CCDC13: variants seen among roughly 807,000 people sequenced by gnomAD.
CCDC13 encodes coiled-coil domain containing 13.
Under a neutral mutation model 87.3 loss-of-function variants are expected in CCDC13, and 70 were observed. The ratio of observed to expected loss-of-function variants is 0.80; its 90% CI spans 0.66 to 0.98. The LOEUF (loss-of-function observed/expected upper bound fraction) is 0.98, where lower values mean the gene tolerates loss of function less well. CCDC13 is among the 50% of genes least tolerant of loss of function. CCDC13 has a pLI of 0.00. For missense variants in CCDC13, 842 were observed against 892.0 expected (o/e 0.94, Z 0.71); for synonymous variants, 317 against 360.3 (o/e 0.88, Z 1.36).
intron 5 of CCDC13, 95 bp from the exon 6 acceptor site, chr3:42,747,468 G>A: frequency 2.3e-6 from 2 of 863,576 alleles, no homozygotes; most frequent in Non-Finnish European, 3.8e-6. Flanking sequence ...GCCAGGCACT[G>A]TGCTAAGTGT....
rs1412963498 is a variant in CCDC13 at position 42,721,227 on chromosome 3, G to A, written c.1719-7911C>T. Among the ~76,000 whole-genome samples the A allele has an allele frequency of 2.0e-5, 3 of 152,168 alleles. No homozygotes were observed. In the East Asian group the frequency reaches 5.8e-4, roughly 29 times the overall value. On this transcript the variant is annotated intron_variant, in intron 13 of 15. Coordinates refer to ENST00000310232, the MANE Select transcript of CCDC13 (RefSeq NM_144719.4). ...AACCAAAATTTCCTAGTCAATTGTG[G>A]ATTTAATAGTGGCTGTCCTAAGACT...
intron 13 of CCDC13, 66 bp from the exon 14 acceptor site, chr3:42,713,382 C>A: frequency 6.4e-7 from 1 of 1,557,894 alleles, no homozygotes; most frequent in Non-Finnish European, 8.8e-7. Flanking sequence ...ACCCCACTTG[C>A]TCAGGCCCTT....
chr3:42,736,574 C>G (rs929525190), intron 9 of CCDC13, among the ~76,000 whole-genome samples: 2 of 152,052 alleles, frequency 1.3e-5, no homozygotes, highest in Admixed American at 6.5e-5. Context: ...GACATCCAGC[C>G]CTGCGACTTA....
rs1433487430 is a variant in CCDC13, at chr3:42,708,665, G to A, written c.*315C>T. On this transcript the variant is annotated 3_prime_UTR_variant, in exon 16 of 16. Transcript: ENST00000310232. ...GGATGAGGGCGATGAACACCTGCCC[G>A]AGGGACTGCATCTGTCCATTCACAG... The A allele has an allele frequency of 7.7e-6, 2 of 258,596 alleles. No individual in the cohort carries two copies. Among genetic ancestry groups the A allele is most frequent in the East Asian group, 9.6e-5 (1 of 10,414 alleles). The allele number at this position is 258,596 out of a possible 1,614,324, so 16.0% of individuals were successfully genotyped here. A position where few individuals can be genotyped will look rare whatever the true frequency, so the allele number is the denominator to read the frequency against.
rs747367232 is a variant in CCDC13 at position 42,758,307 on chromosome 3, G to A, written c.39C>T (p.Leu13=). 1 of 1,613,094 alleles carries A rather than the reference G, an allele frequency of 6.2e-7. No individual in the cohort carries two copies. The highest frequency in any genetic ancestry group is 1.1e-5 in the South Asian group (1 of 91,028). The change falls in exon 2 of 16, where the codon CTC becomes CTT. Residue 13 remains leucine, a synonymous_variant. Coordinates refer to ENST00000310232, the MANE Select transcript of CCDC13 (RefSeq NM_144719.4). ...GCATCTCCTGCATTGCCTTGAACTG[G>A]AGCCGCAAAGTGTTCTGTGAGCTTT... ...ADESSQNTLR[L]QFKAMQEMQH... is the part of the protein sequence containing the mutation.
At chr3:42,768,748 T>C (rs1174686172) in intron 1 of CCDC13, among the ~76,000 whole-genome samples, 2 of 151,750 alleles carry the variant, frequency 1.3e-5, no homozygotes, top group Admixed American at 6.6e-5. Context: ...CCATAGAGAC[T>C]GGAAGAAAAC....
At chr3:42,736,958 C>A (rs1403500736) in intron 9 of CCDC13, among the ~76,000 whole-genome samples, 1 of 152,158 alleles carries the variant, frequency 6.6e-6, no homozygotes, top group African/African-American at 2.4e-5. Flanking sequence ...TACATGTGCA[C>A]AACGTGCAGG....
intron 12 of CCDC13, among the ~76,000 whole-genome samples, chr3:42,731,180 C>G (rs1269377220): frequency 6.6e-6 from 1 of 151,768 alleles, no homozygotes; most frequent in African/African-American, 2.4e-5. Context: ...CCAGAGCCCA[C>G]ATGTGAGTTC....
chr3:42,707,099 A>G lies in CCDC13; in HGVS notation c.*1881T>C, dbSNP rs1465623685. 6.6e-6 allele frequency among the ~76,000 whole-genome samples: 1 copy of G among 152,104 alleles called. No individual in the cohort carries two copies. Among genetic ancestry groups the G allele is most frequent in the Non-Finnish European group, 1.5e-5 (1 of 68,014 alleles). On this transcript the variant is annotated 3_prime_UTR_variant, in exon 16 of 16. Transcript: ENST00000310232. ...ATCTTGAGGAAGGATGGCTGATCCT[A>G]TGCCTGCTTCTCACTCCCTGGGACT...
chr3:42,768,923 A>G (rs904135352), intron 1 of CCDC13, among the ~76,000 whole-genome samples: 1 of 152,112 alleles, frequency 6.6e-6, no homozygotes, highest in Non-Finnish European at 1.5e-5. Flanking sequence ...GGATCACCTG[A>G]GGTTGGGAGT....
At chr3:42,744,093 T>C (rs1300308588) in intron 7 of CCDC13, among the ~76,000 whole-genome samples, 1 of 152,194 alleles carries the variant, frequency 6.6e-6, no homozygotes, top group Non-Finnish European at 1.5e-5. Context: ...ATCAACAAAC[T>C]ACAGTTCTAG....
At chr3:42,725,087 C>T (rs1168911862) in intron 13 of CCDC13, among the ~76,000 whole-genome samples, 1 of 152,114 alleles carries the variant, frequency 6.6e-6, no homozygotes, top group Non-Finnish European at 1.5e-5. Context: ...CTTATCCTCA[C>T]TTTTGGTCAT....
At chr3:42,726,695 T>C (rs764586911) in intron 13 of CCDC13, among the ~76,000 whole-genome samples, 4 of 151,620 alleles carry the variant, frequency 2.6e-5, no homozygotes, top group Non-Finnish European at 4.4e-5. Context: ...TATACATACA[T>C]ACAAATATAC....
rs2125865572 is a variant in CCDC13, at chr3:42,708,736, G to A, written c.*244C>T. On this transcript the variant is annotated 3_prime_UTR_variant, in exon 16 of 16. Transcript: ENST00000310232. ...TCTCGCCTCTGCCAGTGGGCTGCTGGGCCTCCCTGCTGCTGTAACCCAGCC... is the reference window on the plus strand; with the variant it reads ...TCTCGCCTCTGCCAGTGGGCTGCTGAGCCTCCCTGCTGCTGTAACCCAGCC... 2.4e-6 allele frequency: 1 copy of A among 410,474 alleles called. No homozygotes were observed. The allele number at this position is 410,474 out of a possible 1,614,324, so 25.4% of individuals were successfully genotyped here.
chr3:42,754,284 C>G lies in CCDC13; in HGVS notation c.371-1567G>C, dbSNP rs77866641. On this transcript the variant is annotated intron_variant, in intron 3 of 15. Coordinates refer to ENST00000310232, the MANE Select transcript of CCDC13 (RefSeq NM_144719.4). Reference sequence around the variant, plus strand: ...CAGTGAGTGGGGCAACTAGGAGTAGCTGCCCTTGGAATCTCATGTCTGCTG... The same window carrying G: ...CAGTGAGTGGGGCAACTAGGAGTAGGTGCCCTTGGAATCTCATGTCTGCTG... 7.1e-3 allele frequency among the ~76,000 whole-genome samples: 1,086 copies of G among 152,242 alleles called. 11 individuals carry two copies. The highest frequency in any genetic ancestry group is 0.025 in the African/African-American group (1,040 of 41,530).
intron 5 of CCDC13, 106 bp downstream of exon 5, chr3:42,751,830 G>A: frequency 1.0e-6 from 1 of 972,252 alleles, no homozygotes; most frequent in East Asian, 2.4e-5. Flanking sequence ...CGGGGTTGGG[G>A]GTTGGGGGTG....
rs749188442 is a variant in CCDC13 at position 42,713,249 on chromosome 3, C to A, written c.1786G>T (p.Val596Leu). Residue 596 changes from valine (V) to leucine (L), a missense_variant, in exon 14 of 16, where the codon GTG (valine) becomes TTG (leucine). Physicochemically the swap from Val to Leu is conservative, Grantham distance 32. Coordinates refer to ENST00000310232, the MANE Select transcript of CCDC13 (RefSeq NM_144719.4). ...TTCTCCAGATGTTGCTCCAGCACCA[C>A]GGTGCGGTGTCGCTCCTCCTGCAGC... ...RKLQEERHRT[V>L]VLEQHLEKIR... The A allele has an allele frequency of 3.7e-6, 6 of 1,614,088 alleles. No individual in the cohort carries two copies. The highest frequency in any genetic ancestry group is 5.1e-6 in the Non-Finnish European group (6 of 1,180,036).
At position 42,705,893 on chromosome 3, in the gene CCDC13, C is replaced by T. The variant is rs1395192892; in HGVS notation, c.*3087G>A. ...TCTCCCCACCTTCCCTTTACTCCTC[C>T]TTGCTCCTTTGCCTCAGGGAGATGT... On this transcript the variant is annotated 3_prime_UTR_variant, in exon 16 of 16. Transcript: ENST00000310232. Among the ~76,000 whole-genome samples the T allele has an allele frequency of 1.3e-5, 2 of 152,196 alleles. No individual in the cohort carries two copies. The highest frequency in any genetic ancestry group is 2.4e-5 in the African/African-American group (1 of 41,440).
chr3:42,757,600 C>T (rs567206377), intron 2 of CCDC13, among the ~76,000 whole-genome samples: 6 of 152,222 alleles, frequency 3.9e-5, no homozygotes, highest in African/African-American at 1.4e-4. Flanking sequence ...CACGTGTAAT[C>T]CCAGTGACTC....
Sources: gnomAD v4.1 joint callset for allele counts (sites outside exome capture counted in the v4.1 genomes callset) on GRCh38, gnomAD v4.1.1 for gene constraint, MANE v1.5 for transcripts, NCBI Gene and HGNC (gene_info 2026-07-23, HGNC 2026-07-21) for gene names.